The following GPSM2 variants were observed in gnomAD, a reference collection of about 807,000 sequenced individuals.
GPSM2 encodes the protein G protein signaling modulator 2, also known as G protein-signaling modulator 2.
In GPSM2, 58 loss-of-function variants were observed where a neutral mutation model predicts 78.4. The ratio of observed to expected loss-of-function variants is 0.74; its 90% CI spans 0.60 to 0.92. The LOEUF is 0.92. Among genes scored for constraint, GPSM2 ranks in the 40% least tolerant of loss-of-function variants. GPSM2 has a pLI of 0.00. For missense variants in GPSM2, 700 were observed against 815.5 expected, an observed-to-expected ratio of 0.86 and a Z score of 1.73; for synonymous variants, 224 against 280.2, an observed-to-expected ratio of 0.80 and a Z score of 2.00.
rs1557884205 is a variant in GPSM2 at position 108,929,694 on chromosome 1, C to A, written c.1816-7C>A. On this transcript the variant is annotated splice_region_variant and splice_polypyrimidine_tract_variant and intron_variant, in intron 14 of 14. Coordinates refer to ENST00000264126, the MANE Select transcript of GPSM2 (RefSeq NM_013296.5). Reference sequence around the variant, plus strand: ...TATGTCTTTTAATCTCTCTCATAAACTTCTAGGGATCCAGATTAGATGATC... The same window carrying A: ...TATGTCTTTTAATCTCTCTCATAAAATTCTAGGGATCCAGATTAGATGATC... 6.2e-7 allele frequency: 1 copy of A among 1,612,574 alleles called. No individual in the cohort carries two copies. The highest frequency in any genetic ancestry group is 1.1e-5 in the South Asian group (1 of 91,054).
chr1:108,897,937 CTT>C lies in GPSM2; in HGVS notation c.415-20_415-19del. On this transcript the variant is annotated intron_variant, in intron 4 of 14. Transcript: ENST00000264126. ...CTGACCTCTGTTTTCAAAATGTAAA[CTT>C]TGCTGATGTCTTCATTTAGGTGGGA... 1 of 1,611,814 alleles carries C rather than the reference CTT, an allele frequency of 6.2e-7. No individual in the cohort carries two copies. Among genetic ancestry groups the C allele is most frequent in the Non-Finnish European group, 8.5e-7 (1 of 1,178,100 alleles).
At chr1:108,923,433 GAAA>G (rs1650890522) in intron 13 of GPSM2, among the ~76,000 whole-genome samples, 1 of 152,164 alleles carries the variant, frequency 6.6e-6, no homozygotes, top group Non-Finnish European at 1.5e-5. Flanking sequence ...GATTAAAAAA[GAAA>G]AACGAAGACA....
rs1166188942 is a variant in GPSM2 at position 108,931,156 on chromosome 1, TA to T, written c.*1218del. 93 of 656,856 alleles carry T rather than the reference TA, an allele frequency of 1.4e-4. No individual in the cohort carries two copies. Among genetic ancestry groups the T allele is most frequent in the Non-Finnish European group, 2.0e-4 (83 of 421,834 alleles). 40.7% of individuals were successfully genotyped at this position (656,856 alleles called of 1,614,324 possible). ...CTGTAAAACAAACTTTTCTAAGTTC[TA>T]ATATAAAAACAAAAAACAAAACCCA... On this transcript the variant is annotated 3_prime_UTR_variant, in exon 15 of 15. Transcript: ENST00000264126.
intron 2 of GPSM2, among the ~76,000 whole-genome samples, chr1:108,888,109 G>A (rs765497122): frequency 3.3e-5 from 5 of 152,164 alleles, no homozygotes; most frequent in Non-Finnish European, 5.9e-5. Context: ...GAGTGCAGTG[G>A]TGTGCAATCT....
chr1:108,906,984 C>T (rs1413367934), intron 10 of GPSM2, among the ~76,000 whole-genome samples: 1 of 152,094 alleles, frequency 6.6e-6, no homozygotes, highest in Non-Finnish European at 1.5e-5. Context: ...ATACGTCGTT[C>T]CTCTGTTCAA....
chr1:108,887,731 A>C (rs986987571), intron 2 of GPSM2, among the ~76,000 whole-genome samples: 1 of 152,132 alleles, frequency 6.6e-6, no homozygotes, highest in Non-Finnish European at 1.5e-5. Context: ...GACACCATGC[A>C]CCCAGTGACA....
intron 8 of GPSM2, 95 bp from the exon 9 acceptor site, chr1:108,903,031 A>T (rs1437354806): frequency 1.3e-6 from 1 of 750,546 alleles, no homozygotes; most frequent in Non-Finnish European, 2.4e-6. Flanking sequence ...AATCCAAAGC[A>T]TTCTTTATCC....
chr1:108,884,174 C>G (rs976295742), intron 1 of GPSM2, among the ~76,000 whole-genome samples: 1 of 152,112 alleles, frequency 6.6e-6, no homozygotes, highest in Non-Finnish European at 1.5e-5. Flanking sequence ...AACTCCTGGC[C>G]TCAAGTGATC....
chr1:108,878,887 TAAC>T (rs1476167662), intron 1 of GPSM2, among the ~76,000 whole-genome samples: 1 of 152,222 alleles, frequency 6.6e-6, no homozygotes, highest in Non-Finnish European at 1.5e-5. Flanking sequence ...TAAGATCATA[TAAC>T]TAATAAGTCA....
chr1:108,901,335 C>T (rs533743576), intron 7 of GPSM2, among the ~76,000 whole-genome samples: 1 of 152,212 alleles, frequency 6.6e-6, no homozygotes. Flanking sequence ...AGAATTTTAC[C>T]TAAGTGGTGA....
At chr1:108,916,242 G>A (rs1664413) in intron 11 of GPSM2, among the ~76,000 whole-genome samples, 1 of 151,224 alleles carries the variant, frequency 6.6e-6, no homozygotes, top group Non-Finnish European at 1.5e-5. Context: ...CTGGGTGACA[G>A]AGTGAGACCC....
chr1:108,897,048 G>A lies in GPSM2; in HGVS notation c.241G>A (p.Ala81Thr). ...TTTCTATTTGCATGATTATGCCAAA[G>A]CATTAGAATATCACCATCATGATTT... is the stretch of plus-strand genomic sequence containing the variant. ...AYFYLHDYAK[A>T]LEYHHHDLTL... Residue 81 changes from alanine to threonine, a missense_variant, in exon 3 of 15, where the codon GCA becomes ACA. Transcript: ENST00000264126. 1 of 1,612,070 alleles carries A rather than the reference G, an allele frequency of 6.2e-7. No individual in the cohort carries two copies. Among genetic ancestry groups the A allele is most frequent in the Non-Finnish European group, 8.5e-7 (1 of 1,178,378 alleles).
chr1:108,888,388 C>T (rs1412412554), intron 2 of GPSM2, among the ~76,000 whole-genome samples: 1 of 152,076 alleles, frequency 6.6e-6, no homozygotes, highest in African/African-American at 2.4e-5. Flanking sequence ...TGTTCTGTTT[C>T]CCAGACTGGA....
intron 12 of GPSM2, among the ~76,000 whole-genome samples, chr1:108,920,615 T>C (rs1342557213): frequency 6.6e-6 from 1 of 152,232 alleles, no homozygotes; most frequent in African/African-American, 2.4e-5. Flanking sequence ...CTCGATTTCT[T>C]TCCCCCCAGT....
chr1:108,914,036 T>C (rs1649981827), intron 10 of GPSM2, among the ~76,000 whole-genome samples: 1 of 152,262 alleles, frequency 6.6e-6, no homozygotes, highest in Non-Finnish European at 1.5e-5. Flanking sequence ...ACTGTGTGGA[T>C]AGTATAAAAC....
chr1:108,886,291 A>T (rs1647545988), intron 2 of GPSM2, among the ~76,000 whole-genome samples: 1 of 152,238 alleles, frequency 6.6e-6, no homozygotes, highest in African/African-American at 2.4e-5. Context: ...TTATTATTAA[A>T]ATACAAACAA....
At position 108,922,424 on chromosome 1, in the gene GPSM2, G is replaced by A; in HGVS notation, c.1448G>A (p.Ser483Asn). The A allele has an allele frequency of 6.2e-7, 1 of 1,607,934 alleles. No individual in the cohort carries two copies. The highest frequency in any genetic ancestry group is 2.2e-5 in the East Asian group (1 of 44,782). ...TTCCTCTCAATATTTTAGAAAATCA[G>A]TGCAGATACTATTGGAGATGAAGGG... is the stretch of plus-strand genomic sequence containing the variant. ...HRIPNSQRKI[S>N]ADTIGDEGFF... The change falls in exon 13 of 15, where the codon AGT (serine) becomes AAT (asparagine). Residue 483 changes from serine to asparagine, a missense_variant. Coordinates refer to ENST00000264126, the MANE Select transcript of GPSM2 (RefSeq NM_013296.5).
At chr1:108,893,510 G>C (rs913264492) in intron 2 of GPSM2, among the ~76,000 whole-genome samples, 4 of 152,092 alleles carry the variant, frequency 2.6e-5, no homozygotes, top group Admixed American at 2.6e-4. Context: ...CCTTTCATAT[G>C]TATCTTCTTA....
At chr1:108,905,393 C>T (rs769819899) in intron 10 of GPSM2, among the ~76,000 whole-genome samples, 1 of 152,198 alleles carries the variant, frequency 6.6e-6, no homozygotes, top group Non-Finnish European at 1.5e-5. Flanking sequence ...AACCCATTCC[C>T]GTTGGGCTTT....
Sources: gnomAD v4.1 joint callset for allele counts (sites outside exome capture counted in the v4.1 genomes callset) on GRCh38, gnomAD v4.1.1 for gene constraint, MANE v1.5 for transcripts, NCBI Gene and HGNC (gene_info 2026-07-23, HGNC 2026-07-21) for gene names.